The following BRMS1L variants were observed in gnomAD, a reference collection of about 807,000 sequenced individuals.
BRMS1L encodes BRMS1 like transcriptional repressor.
In BRMS1L, 23 loss-of-function variants were observed where a neutral mutation model predicts 50.3. The observed-to-expected ratio is 0.46, with a 90% CI of 0.33 to 0.65. The LOEUF (loss-of-function observed/expected upper bound fraction) is 0.65, where lower values mean the gene tolerates loss of function less well. BRMS1L is among the 30% of genes least tolerant of loss of function. BRMS1L has a pLI of 0.02. For missense variants in BRMS1L, 286 were observed against 386.1 expected (o/e 0.74, Z 2.17); for synonymous variants, 114 against 126.9 (o/e 0.90, Z 0.69).
intron 1 of BRMS1L, among the ~76,000 whole-genome samples, chr14:35,829,411 A>G (rs569702280): frequency 6.6e-6 from 1 of 152,376 alleles, no homozygotes; most frequent in Admixed American, 6.5e-5. Context: ...CCCAAAAAAT[A>G]ATGAACAACT....
At chr14:35,829,530 C>T (rs1228662763) in intron 1 of BRMS1L, among the ~76,000 whole-genome samples, 1 of 152,186 alleles carries the variant, frequency 6.6e-6, no homozygotes, top group Non-Finnish European at 1.5e-5. Context: ...CATCTCTGTT[C>T]TACCATATGT....
chr14:35,862,021 ATCTG>A (rs1189278267), intron 4 of BRMS1L, among the ~76,000 whole-genome samples: 1 of 152,184 alleles, frequency 6.6e-6, no homozygotes, highest in Non-Finnish European at 1.5e-5. Flanking sequence ...TAGCAATTCA[ATCTG>A]TCTATGGTTT....
chr14:35,864,851 G>A (rs1326503337), intron 6 of BRMS1L, 84 bp from the exon 7 acceptor site: 22 of 976,326 alleles, frequency 2.3e-5, no homozygotes, highest in Non-Finnish European at 3.0e-5. Flanking sequence ...ATAAATCATC[G>A]TTCCATTTTC....
intron 8 of BRMS1L, 129 bp from the exon 9 acceptor site, chr14:35,867,777 T>G: frequency 7.3e-6 from 6 of 824,490 alleles, no homozygotes; most frequent in Non-Finnish European, 1.0e-5. Context: ...ATTTTAGGTT[T>G]GTTATTTAAG....
intron 4 of BRMS1L, among the ~76,000 whole-genome samples, chr14:35,838,729 C>T (rs984752960): frequency 9.9e-4 from 150 of 151,952 alleles, no homozygotes; most frequent in African/African-American, 3.4e-3. Flanking sequence ...TTGTTTTTTT[C>T]TTGTAAATTT....
intron 1 of BRMS1L, among the ~76,000 whole-genome samples, chr14:35,829,420 C>A (rs1369026669): frequency 6.6e-6 from 1 of 152,114 alleles, no homozygotes; most frequent in Non-Finnish European, 1.5e-5. Flanking sequence ...TAATGAACAA[C>A]TTAATTTTTG....
intron 9 of BRMS1L, among the ~76,000 whole-genome samples, chr14:35,868,872 G>C (rs2078453723): frequency 6.6e-6 from 1 of 152,142 alleles, no homozygotes; most frequent in Non-Finnish European, 1.5e-5. Flanking sequence ...CTTAAATAAA[G>C]TTTATATAAC....
intron 6 of BRMS1L, 75 bp downstream of exon 6, chr14:35,864,028 A>C (rs771862937): frequency 5.5e-6 from 6 of 1,084,584 alleles, no homozygotes; most frequent in Non-Finnish European, 8.3e-6. Context: ...TATAACTTTT[A>C]TTTGTAAACA....
intron 1 of BRMS1L, chr14:35,826,862 G>A (rs1158322044): frequency 1.7e-5 from 12 of 697,962 alleles, no homozygotes; most frequent in Non-Finnish European, 2.5e-5. Flanking sequence ...GCGGGGCGGG[G>A]CGGGCCTGGG....
At chr14:35,849,841 A>G (rs1024698518) in intron 4 of BRMS1L, among the ~76,000 whole-genome samples, 1 of 151,240 alleles carries the variant, frequency 6.6e-6, no homozygotes, top group Non-Finnish European at 1.5e-5. Context: ...TTTTGTTGAC[A>G]CAGAGTGTCG....
At chr14:35,841,803 G>A (rs1468667621) in intron 4 of BRMS1L, among the ~76,000 whole-genome samples, 1 of 152,074 alleles carries the variant, frequency 6.6e-6, no homozygotes, top group Non-Finnish European at 1.5e-5. Flanking sequence ...ATTACTGTGT[G>A]GGAGTCTCTT....
At chr14:35,844,562 G>A (rs1022683997) in intron 4 of BRMS1L, among the ~76,000 whole-genome samples, 1 of 152,198 alleles carries the variant, frequency 6.6e-6, no homozygotes, top group African/African-American at 2.4e-5. Flanking sequence ...TACCCTAGTT[G>A]GAAATGCAGA....
intron 4 of BRMS1L, among the ~76,000 whole-genome samples, chr14:35,841,210 G>A (rs2142044026): frequency 6.6e-6 from 1 of 152,270 alleles, no homozygotes; most frequent in East Asian, 1.9e-4. Flanking sequence ...ACTGTGGTCT[G>A]AGAGACTATT....
intron 4 of BRMS1L, chr14:35,858,555 A>G (rs74605808): frequency 2.2e-4 from 33 of 152,342 alleles, no homozygotes; most frequent in African/African-American, 7.9e-4. Flanking sequence ...TAACACAACA[A>G]TAAACATTTA....
intron 4 of BRMS1L, among the ~76,000 whole-genome samples, chr14:35,835,995 C>T (rs991619320): frequency 1.3e-5 from 2 of 152,068 alleles, no homozygotes; most frequent in African/African-American, 2.4e-5. Flanking sequence ...TTTAATGTGC[C>T]GTAAACTAAG....
intron 4 of BRMS1L, among the ~76,000 whole-genome samples, chr14:35,847,876 T>C (rs964200386): frequency 6.6e-6 from 1 of 152,234 alleles, no homozygotes; most frequent in African/African-American, 2.4e-5. Flanking sequence ...CTGATAATGA[T>C]AGGATTTCCT....
At chr14:35,848,329 C>CATT (rs1168642773) in intron 4 of BRMS1L, among the ~76,000 whole-genome samples, 2 of 151,922 alleles carry the variant, frequency 1.3e-5, no homozygotes, top group Non-Finnish European at 2.9e-5. Flanking sequence ...GTATACAATA[C>CATT]ATTATTATTA....
intron 4 of BRMS1L, among the ~76,000 whole-genome samples, chr14:35,842,436 A>C (rs2078079051): frequency 6.6e-6 from 1 of 151,960 alleles, no homozygotes; most frequent in Non-Finnish European, 1.5e-5. Context: ...TTGCTTATGG[A>C]GCTTAGTTTG....
intron 4 of BRMS1L, among the ~76,000 whole-genome samples, chr14:35,862,308 G>GT (rs1478517852): frequency 6.6e-6 from 1 of 151,984 alleles, no homozygotes; most frequent in Non-Finnish European, 1.5e-5. Context: ...TTTGCTATGA[G>GT]TTTTTTATAA....
Sources: allele counts gnomAD v4.1 joint callset (sites outside exome capture counted in the v4.1 genomes callset), GRCh38; gene constraint gnomAD v4.1.1; transcripts MANE v1.5; gene names NCBI Gene and HGNC (gene_info 2026-07-23, HGNC 2026-07-21).